SHISA6: variants seen among roughly 807,000 people sequenced by gnomAD.
SHISA6 encodes the protein shisa family member 6.
Under a neutral mutation model 47.9 loss-of-function variants are expected in SHISA6, and 22 were observed. The observed-to-expected ratio is 0.46, with a 90% CI of 0.33 to 0.66. The LOEUF is 0.66. Ranked by LOEUF, SHISA6 falls within the 30% of genes least tolerant of loss-of-function variation. The pLI is 0.02. For synonymous variants in SHISA6, 388 were observed against 337.8 expected (o/e 1.15, Z -1.63); for missense variants, 680 against 764.6 (o/e 0.89, Z 1.30).
At chr17:11,448,001 ACT>A (rs1915281429) in intron 3 of SHISA6, among the ~76,000 whole-genome samples, 1 of 151,864 alleles carries the variant, frequency 6.6e-6, no homozygotes, top group South Asian at 2.1e-4. Flanking sequence ...GACGAGCTGG[ACT>A]CTCTGATGTG....
chr17:11,481,358 G>A (rs868545241), intron 3 of SHISA6, among the ~76,000 whole-genome samples: 2,192 of 109,096 alleles, frequency 0.02, 64 homozygotes, highest in African/African-American at 0.073. Context: ...GTGTGTGTGT[G>A]TGTGTGTGTA....
chr17:11,398,575 G>A (rs1913654512), intron 3 of SHISA6, among the ~76,000 whole-genome samples: 1 of 151,900 alleles, frequency 6.6e-6, no homozygotes, highest in Non-Finnish European at 1.5e-5. Context: ...TCCGACAGTA[G>A]GTTTTTTTGT....
At chr17:11,423,370 T>TAGATAG in intron 3 of SHISA6, among the ~76,000 whole-genome samples, 2 of 141,894 alleles carry the variant, frequency 1.4e-5, no homozygotes, top group South Asian at 2.4e-4. Context: ...TAGATAGATA[T>TAGATAG]ATGCATGCCT....
intron 3 of SHISA6, among the ~76,000 whole-genome samples, chr17:11,525,652 CAAA>C (rs371530736): frequency 0.48 from 50,322 of 104,922 alleles, 11,264 homozygotes; most frequent in East Asian, 0.64. Flanking sequence ...AAAAAAAAAA[CAAA>C]AAAAAAAAAA....
At chr17:11,376,966 C>T (rs192784924) in intron 2 of SHISA6, among the ~76,000 whole-genome samples, 1 of 152,204 alleles carries the variant, frequency 6.6e-6, no homozygotes. Flanking sequence ...AAAGCTGAAA[C>T]TGTCATTGTG....
chr17:11,423,015 G>T (rs1247783068), intron 3 of SHISA6, among the ~76,000 whole-genome samples: 2 of 151,698 alleles, frequency 1.3e-5, no homozygotes, highest in Non-Finnish European at 2.9e-5. Flanking sequence ...AAAACAGAGG[G>T]AATTAAAACC....
At chr17:11,286,847 C>A (rs984727106) in intron 2 of SHISA6, among the ~76,000 whole-genome samples, 1 of 152,130 alleles carries the variant, frequency 6.6e-6, no homozygotes. Flanking sequence ...AAGGAGGATT[C>A]AGGAGAAATA....
At chr17:11,301,529 T>TTC (rs1486183680) in intron 2 of SHISA6, among the ~76,000 whole-genome samples, 9 of 152,172 alleles carry the variant, frequency 5.9e-5, no homozygotes, top group Admixed American at 5.9e-4. Context: ...GATAAAGGCT[T>TTC]TCCCCACTCT....
chr17:11,445,769 G>A (rs903330738), intron 3 of SHISA6, among the ~76,000 whole-genome samples: 4 of 152,178 alleles, frequency 2.6e-5, no homozygotes, highest in Non-Finnish European at 5.9e-5. Context: ...GGAAGCCCGG[G>A]GGCCGGGAGC....
chr17:11,280,427 G>A (rs1191565219), intron 2 of SHISA6, among the ~76,000 whole-genome samples: 1 of 152,224 alleles, frequency 6.6e-6, no homozygotes, highest in African/African-American at 2.4e-5. Context: ...ATAAGGTGCT[G>A]CATGTAGGCG....
intron 2 of SHISA6, among the ~76,000 whole-genome samples, chr17:11,368,873 T>G (rs1406320903): frequency 6.6e-6 from 1 of 152,178 alleles, no homozygotes; most frequent in Non-Finnish European, 1.5e-5. Context: ...GTCAGGCTGG[T>G]CTCGAACTCC....
chr17:11,467,689 A>G (rs1183056242), intron 3 of SHISA6, among the ~76,000 whole-genome samples: 3 of 152,170 alleles, frequency 2.0e-5, no homozygotes, highest in African/African-American at 4.8e-5. Flanking sequence ...GTGAGAATAC[A>G]TAAGGGATTA....
rs559256152 is a variant in SHISA6 at position 11,454,618 on chromosome 17, C to T, written c.895+75109C>T. Among the ~76,000 whole-genome samples, 3 of 152,330 alleles carry T rather than the reference C, an allele frequency of 2.0e-5. No homozygotes were observed. In the South Asian group the frequency reaches 6.2e-4, roughly 32 times the overall value. ...CCCAGACCTCAGGCCTGTGGACACC[C>T]TGCCCGCACTGTGAAATGCTTTTCT... On this transcript the variant is annotated intron_variant, in intron 3 of 5. Transcript: ENST00000441885.
intron 3 of SHISA6, among the ~76,000 whole-genome samples, chr17:11,414,859 G>A (rs140923851): frequency 0.03 from 4,484 of 151,830 alleles, 151 homozygotes; most frequent in African/African-American, 0.071. Context: ...AGGCCCAGGC[G>A]GGTGAATCAT....
rs531929827 is a variant in SHISA6, at chr17:11,403,509, G to A, written c.895+24000G>A. ...TGATGAGATGGGTTCTTGGGAGGGAGGTCGAAGACTTAGTGACTCCACATC... is the reference window on the plus strand; with the variant it reads ...TGATGAGATGGGTTCTTGGGAGGGAAGTCGAAGACTTAGTGACTCCACATC... On this transcript the variant is annotated intron_variant, in intron 3 of 5. Transcript: ENST00000441885. Among the ~76,000 whole-genome samples the A allele has an allele frequency of 2.1e-3, 318 of 152,270 alleles. 3 individuals are homozygous for A. Among genetic ancestry groups the A allele is most frequent in the African/African-American group, 7.3e-3 (303 of 41,558 alleles).
At chr17:11,248,731 C>T (rs1253340190) in intron 1 of SHISA6, among the ~76,000 whole-genome samples, 2 of 152,086 alleles carry the variant, frequency 1.3e-5, no homozygotes, top group African/African-American at 4.8e-5. Context: ...AAGCATAATC[C>T]TTTTATAAGG....
chr17:11,427,712 G>A (rs1333530141), intron 3 of SHISA6, among the ~76,000 whole-genome samples: 1 of 152,140 alleles, frequency 6.6e-6, no homozygotes, highest in Non-Finnish European at 1.5e-5. Context: ...TAAAGGACTT[G>A]CTTCCCGCAA....
intron 2 of SHISA6, 110 bp from the exon 3 acceptor site, chr17:11,379,304 T>C: frequency 1.7e-6 from 1 of 593,966 alleles, no homozygotes; most frequent in Non-Finnish European, 2.8e-6. Flanking sequence ...CTGACTTAGC[T>C]GCTGGTTTGA....
intron 2 of SHISA6, among the ~76,000 whole-genome samples, chr17:11,287,796 C>G (rs768998227): frequency 7.6e-6 from 1 of 131,402 alleles, no homozygotes; most frequent in African/African-American, 2.9e-5. Context: ...GATATTCTCA[C>G]TTAATAATAT....
Sources: gnomAD v4.1 joint callset for allele counts (sites outside exome capture counted in the v4.1 genomes callset) on GRCh38, gnomAD v4.1.1 for gene constraint, MANE v1.5 for transcripts, NCBI Gene and HGNC (gene_info 2026-07-23, HGNC 2026-07-21) for gene names.